GRM1: variants seen among roughly 807,000 people sequenced by gnomAD.
GRM1 encodes glutamate metabotropic receptor 1, also known as metabotropic glutamate receptor 1.
In GRM1, 33 loss-of-function variants were observed where a neutral mutation model predicts 90.9. The observed-to-expected ratio is 0.36, with a 90% CI of 0.28 to 0.49. The LOEUF is 0.49. Ranked by LOEUF, GRM1 falls within the 20% of genes least tolerant of loss-of-function variation. GRM1 has a pLI of 0.99. For synonymous variants in GRM1, 700 were observed against 613.2 expected (o/e 1.14, Z -2.09); for missense variants, 1,190 against 1,534.3 (o/e 0.78, Z 3.75).
At chr6:146,071,707 A>G (rs986832052) in intron 1 of GRM1, among the ~76,000 whole-genome samples, 3 of 152,150 alleles carry the variant, frequency 2.0e-5, no homozygotes, top group Admixed American at 6.6e-5. Context: ...GGGAGACAGG[A>G]TAAGGTAGGG....
At chr6:146,195,226 T>C (rs547331808) in intron 2 of GRM1, among the ~76,000 whole-genome samples, 40 of 152,250 alleles carry the variant, frequency 2.6e-4, no homozygotes, top group African/African-American at 9.6e-4. Context: ...AAATATAAGA[T>C]TAAAGTGGTA....
At chr6:146,257,122 C>G (rs906214905) in intron 2 of GRM1, among the ~76,000 whole-genome samples, 1 of 152,148 alleles carries the variant, frequency 6.6e-6, no homozygotes, top group Admixed American at 6.6e-5. Flanking sequence ...AAGGCCTTCT[C>G]TATCCCCATT....
chr6:146,196,068 A>G (rs1455873352), intron 2 of GRM1, among the ~76,000 whole-genome samples: 6 of 152,182 alleles, frequency 3.9e-5, no homozygotes, highest in Admixed American at 1.3e-4. Context: ...TATAGTCACC[A>G]CAGGTGTGGT....
At chr6:146,386,509 T>A (rs1354794205) in intron 5 of GRM1, among the ~76,000 whole-genome samples, 10 of 152,128 alleles carry the variant, frequency 6.6e-5, no homozygotes, top group Non-Finnish European at 1.5e-5. Context: ...CAGACTTTTT[T>A]AGTAAAACAT....
intron 2 of GRM1, among the ~76,000 whole-genome samples, chr6:146,254,292 G>A (rs781312599): frequency 6.2e-4 from 94 of 152,214 alleles, no homozygotes; most frequent in Admixed American, 9.8e-4. Context: ...TCCCAGGAGA[G>A]AGTATCAAAT....
At chr6:146,191,310 G>C (rs1417654436) in intron 2 of GRM1, among the ~76,000 whole-genome samples, 1 of 152,160 alleles carries the variant, frequency 6.6e-6, no homozygotes, top group African/African-American at 2.4e-5. Flanking sequence ...CAAGGACCAG[G>C]TCTTGCTTGT....
chr6:146,434,626 C>T lies in GRM1; in HGVS notation c.3415C>T (p.Pro1139Ser), dbSNP rs1358498714. The T allele has an allele frequency of 1.9e-6, 3 of 1,612,248 alleles. No homozygotes were observed. Among genetic ancestry groups the T allele is most frequent in the Non-Finnish European group, 2.5e-6 (3 of 1,180,010 alleles). Reference protein sequence around the residue: ...EDLQAASKLTPDDSPALTPPS... With the variant: ...EDLQAASKLTSDDSPALTPPS... ...CCTGCAGGCGGCCAGCAAACTGACCCCGGATGATTCGCCTGCGCTGACGCC... is the reference window on the plus strand; with the variant it reads ...CCTGCAGGCGGCCAGCAAACTGACCTCGGATGATTCGCCTGCGCTGACGCC... The change falls in exon 8 of 8, where the codon CCG becomes TCG. Residue 1139 changes from proline to serine, a missense_variant. This residue lies in a region of GRM1 where 400 missense variants were observed against 360.8 expected (regional missense o/e 1.11). Coordinates refer to ENST00000282753, the MANE Select transcript of GRM1 (RefSeq NM_001278064.2).
intron 2 of GRM1, among the ~76,000 whole-genome samples, chr6:146,274,386 A>G (rs1782280760): frequency 6.6e-6 from 1 of 152,228 alleles, no homozygotes; most frequent in African/African-American, 2.4e-5. Context: ...TACTGCAAAG[A>G]ATATCACCTC....
At chr6:146,356,124 C>G (rs1037116272) in intron 4 of GRM1, among the ~76,000 whole-genome samples, 2 of 152,228 alleles carry the variant, frequency 1.3e-5, no homozygotes, top group Admixed American at 1.3e-4. Context: ...TATGCCAGTA[C>G]AAAGTTGTTC....
chr6:146,170,808 T>C (rs1778090944), intron 2 of GRM1, among the ~76,000 whole-genome samples: 1 of 152,152 alleles, frequency 6.6e-6, no homozygotes, highest in Non-Finnish European at 1.5e-5. Context: ...TGCTTTTTTT[T>C]TGCATGTATG....
intron 1 of GRM1, among the ~76,000 whole-genome samples, chr6:146,063,831 C>T (rs1270800669): frequency 2.0e-5 from 3 of 152,038 alleles, no homozygotes; most frequent in Admixed American, 6.6e-5. Flanking sequence ...ATTGCAAATC[C>T]TGTATTAATG....
chr6:146,273,708 T>C (rs1405770898), intron 2 of GRM1, among the ~76,000 whole-genome samples: 3 of 152,202 alleles, frequency 2.0e-5, no homozygotes, highest in Non-Finnish European at 2.9e-5. Context: ...AACCAGAGGG[T>C]AAATACAAAA....
intron 5 of GRM1, among the ~76,000 whole-genome samples, chr6:146,381,656 G>C (rs1052130349): frequency 6.6e-6 from 1 of 152,098 alleles, no homozygotes. Context: ...GCAGACAATC[G>C]GTAGAATTCT....
chr6:146,431,006 A>G (rs1029244365), intron 7 of GRM1, among the ~76,000 whole-genome samples: 3 of 152,356 alleles, frequency 2.0e-5, no homozygotes, highest in African/African-American at 7.2e-5. Flanking sequence ...CAGATTATCT[A>G]TGGACCACAG....
intron 2 of GRM1, among the ~76,000 whole-genome samples, chr6:146,240,062 T>C (rs1470597826): frequency 6.6e-6 from 1 of 152,072 alleles, no homozygotes; most frequent in African/African-American, 2.4e-5. Flanking sequence ...AACTTAATGA[T>C]ATGACCTGAG....
At chr6:146,214,090 G>C (rs1779786746) in intron 2 of GRM1, among the ~76,000 whole-genome samples, 1 of 151,982 alleles carries the variant, frequency 6.6e-6, no homozygotes. Context: ...TCAGCTAATT[G>C]AATGGTGCCT....
chr6:146,434,932 C>G lies in GRM1; in HGVS notation c.*136C>G. 1 of 766,554 alleles carries G rather than the reference C, an allele frequency of 1.3e-6. No homozygotes were observed. The highest frequency in any genetic ancestry group is 1.4e-5 in the South Asian group (1 of 69,148). 47.5% of individuals were successfully genotyped at this position (766,554 alleles called of 1,614,324 possible). A position where few individuals can be genotyped will look rare whatever the true frequency, so the allele number is the denominator to read the frequency against. On this transcript the variant is annotated 3_prime_UTR_variant, in exon 8 of 8. Coordinates refer to ENST00000282753, the MANE Select transcript of GRM1 (RefSeq NM_001278064.2). ...GACAGGAGACCGCTGCTGCTGCTGC[C>G]GCTACTGCTGCTGCTGCCTTAAGTA...
chr6:146,412,447 T>C (rs1777605364), intron 7 of GRM1, among the ~76,000 whole-genome samples: 1 of 152,158 alleles, frequency 6.6e-6, no homozygotes, highest in Non-Finnish European at 1.5e-5. Flanking sequence ...TTTTTTTTTG[T>C]AGAGTTCAGT....
At chr6:146,256,976 G>C (rs918538798) in intron 2 of GRM1, among the ~76,000 whole-genome samples, 2 of 152,062 alleles carry the variant, frequency 1.3e-5, no homozygotes, top group Admixed American at 6.6e-5. Context: ...ATGTTTTCCT[G>C]AACAGCACAT....
Sources: gnomAD v4.1 joint callset for allele counts (sites outside exome capture counted in the v4.1 genomes callset) on GRCh38, gnomAD v4.1.1 for gene constraint, gnomAD v4.1.1 regional missense constraint, MANE v1.5 for transcripts, NCBI Gene and HGNC (gene_info 2026-07-23, HGNC 2026-07-21) for gene names.